The following SLC35F4 variants were observed in gnomAD, a reference collection of about 807,000 sequenced individuals.
The protein encoded by SLC35F4 is chromosome 14 open reading frame 36.
SLC35F4 carries 24 observed loss-of-function variants against 44.2 expected under a neutral mutation model. That is an observed-to-expected ratio of 0.54 (90% confidence interval 0.39 to 0.76). SLC35F4 has a LOEUF of 0.76. Ranked by LOEUF, SLC35F4 falls within the 30% of genes least tolerant of loss-of-function variation. The probability of loss-of-function intolerance (pLI) is 0.00; values close to 1 mark genes in which losing one functional copy is unlikely to be tolerated. For missense variants in SLC35F4, 562 were observed against 586.1 expected (o/e 0.96, Z 0.42); for synonymous variants, 238 against 223.6 (o/e 1.06, Z -0.57).
In SLC35F4 at chr14:57,622,182, G is replaced by A. The variant is rs1454273747; in HGVS notation, c.104-28058C>T. On this transcript the variant is annotated intron_variant, in intron 1 of 7. Transcript: ENST00000556826. Reference sequence around the variant, plus strand: ...GTCAGGAAACAACAGGTGCTGGAGAGGATGTGGACAAATAGGAACACTTTT... The same window carrying A: ...GTCAGGAAACAACAGGTGCTGGAGAAGATGTGGACAAATAGGAACACTTTT... Among the ~76,000 whole-genome samples, 2 of 85,702 alleles carry A rather than the reference G, an allele frequency of 2.3e-5. 1 individual carries two copies. Among genetic ancestry groups the A allele is most frequent in the African/African-American group, 7.3e-5 (2 of 27,480 alleles). 56.2% of individuals were successfully genotyped at this position (85,702 alleles called of 152,430 possible).
At chr14:57,572,078 G>A (rs1391222333) in intron 4 of SLC35F4, 59 bp from the exon 5 acceptor site, 4 of 1,565,640 alleles carry the variant, frequency 2.6e-6, no homozygotes, top group Non-Finnish European at 3.5e-6. Context: ...CCTAGAGCAG[G>A]CAATTCAAGA....
At chr14:57,819,493 G>C (rs1882937683) in intron 1 of SLC35F4, among the ~76,000 whole-genome samples, 1 of 151,646 alleles carries the variant, frequency 6.6e-6, no homozygotes, top group African/African-American at 2.4e-5. Context: ...GAATGACAGA[G>C]ACAGTTTTAG....
At chr14:57,695,415 A>C (rs2140346268) in intron 1 of SLC35F4, among the ~76,000 whole-genome samples, 1 of 151,914 alleles carries the variant, frequency 6.6e-6, no homozygotes, top group African/African-American at 2.4e-5. Context: ...AAAACACATG[A>C]AAAAACGCTC....
intron 1 of SLC35F4, among the ~76,000 whole-genome samples, chr14:57,647,069 C>G (rs994784653): frequency 1.3e-5 from 2 of 152,056 alleles, no homozygotes; most frequent in African/African-American, 4.8e-5. Context: ...GAATAGGTGT[C>G]ATGTGGTGCT....
At chr14:57,898,891 T>C (rs1888941282) in intron 1 of SLC35F4, among the ~76,000 whole-genome samples, 1 of 152,218 alleles carries the variant, frequency 6.6e-6, no homozygotes, top group Admixed American at 6.5e-5. Context: ...AAAGCCAGTT[T>C]GGAAAGGGGT....
chr14:57,620,928 A>C (rs1310036084), intron 1 of SLC35F4, among the ~76,000 whole-genome samples: 3 of 152,112 alleles, frequency 2.0e-5, no homozygotes, highest in Non-Finnish European at 4.4e-5. Flanking sequence ...CCATCATCTC[A>C]GCCCAAAATC....
intron 1 of SLC35F4, among the ~76,000 whole-genome samples, chr14:57,766,161 ACT>A (rs1354938921): frequency 1.3e-5 from 2 of 152,160 alleles, no homozygotes; most frequent in Non-Finnish European, 2.9e-5. Flanking sequence ...AATCCATCCT[ACT>A]CACTACTCAT....
chr14:57,736,513 T>C (rs1317411594), intron 1 of SLC35F4, among the ~76,000 whole-genome samples: 5 of 152,190 alleles, frequency 3.3e-5, no homozygotes, highest in Admixed American at 6.5e-5. Flanking sequence ...CGGTCATTAG[T>C]GCACCCCCAC....
chr14:57,790,554 T>C (rs1006938191), intron 1 of SLC35F4, among the ~76,000 whole-genome samples: 5 of 152,066 alleles, frequency 3.3e-5, no homozygotes, highest in African/African-American at 1.2e-4. Context: ...AAAATGGCCA[T>C]ACTGCCCAAA....
chr14:57,685,141 G>A (rs1044727992), intron 1 of SLC35F4, among the ~76,000 whole-genome samples: 1 of 152,158 alleles, frequency 6.6e-6, no homozygotes, highest in African/African-American at 2.4e-5. Context: ...TGTTATGGGA[G>A]AAGTGGGTTA....
intron 4 of SLC35F4, among the ~76,000 whole-genome samples, chr14:57,577,558 G>A (rs1005514420): frequency 2.6e-5 from 4 of 152,066 alleles, no homozygotes; most frequent in African/African-American, 9.7e-5. Flanking sequence ...CTGAAAGAAA[G>A]TTTCTACCAT....
At chr14:57,969,012 A>G (rs762173310) in intron 1 of SLC35F4, among the ~76,000 whole-genome samples, 1 of 152,226 alleles carries the variant, frequency 6.6e-6, no homozygotes, top group Non-Finnish European at 1.5e-5. Context: ...TGAACTTTAT[A>G]TTTAAAGATT....
At chr14:57,595,527 G>A (rs910132907) in intron 1 of SLC35F4, among the ~76,000 whole-genome samples, 24 of 152,130 alleles carry the variant, frequency 1.6e-4, no homozygotes, top group African/African-American at 2.2e-4. Context: ...TTCTGGAGTC[G>A]GGGAGGTCTA....
intron 1 of SLC35F4, among the ~76,000 whole-genome samples, chr14:57,756,749 G>A (rs1352230989): frequency 6.6e-6 from 1 of 152,004 alleles, no homozygotes; most frequent in Non-Finnish European, 1.5e-5. Context: ...TGACCTCCCA[G>A]GCTCAAGCAA....
chr14:57,675,374 CT>C (rs2074658345), intron 1 of SLC35F4, among the ~76,000 whole-genome samples: 1 of 152,050 alleles, frequency 6.6e-6, no homozygotes. Context: ...CAAAAGTAAG[CT>C]GGATTAGTGG....
At chr14:57,571,479 T>A (rs2068501337) in intron 5 of SLC35F4, among the ~76,000 whole-genome samples, 1 of 152,186 alleles carries the variant, frequency 6.6e-6, no homozygotes, top group Admixed American at 6.5e-5. Context: ...CCATAGATAA[T>A]TAAATTAAAA....
At chr14:57,954,948 T>TAAAA (rs35919238) in intron 1 of SLC35F4, among the ~76,000 whole-genome samples, 1 of 107,098 alleles carries the variant, frequency 9.3e-6, no homozygotes, top group Non-Finnish European at 2.0e-5. Context: ...TCATCCTGAT[T>TAAAA]AAAAAAAAAA....
At chr14:57,786,233 A>C (rs1208500725) in intron 1 of SLC35F4, among the ~76,000 whole-genome samples, 1 of 151,824 alleles carries the variant, frequency 6.6e-6, no homozygotes, top group Admixed American at 6.6e-5. Flanking sequence ...TAGGAACCTC[A>C]CTCCCATACC....
intron 1 of SLC35F4, among the ~76,000 whole-genome samples, chr14:57,830,768 G>T (rs1005768182): frequency 1.3e-5 from 2 of 152,102 alleles, no homozygotes; most frequent in Non-Finnish European, 2.9e-5. Context: ...TACAAAAACA[G>T]ACCATGGCTG....
Sources: gnomAD v4.1 joint callset for allele counts (sites outside exome capture counted in the v4.1 genomes callset) on GRCh38, gnomAD v4.1.1 for gene constraint, MANE v1.5 for transcripts, NCBI Gene and HGNC (gene_info 2026-07-23, HGNC 2026-07-21) for gene names.